PROSER2: variants seen among roughly 807,000 people sequenced by gnomAD.
PROSER2 encodes proline and serine rich 2.
Under a neutral mutation model 14.6 loss-of-function variants are expected in PROSER2, and 18 were observed. That is an observed-to-expected ratio of 1.23 (90% CI 0.85 to 1.83). The LOEUF is 1.83. Among genes scored for constraint, PROSER2 ranks in the 40% most tolerant of loss-of-function variants. PROSER2 has a pLI of 0.00. For synonymous variants in PROSER2, 367 were observed against 286.4 expected (o/e 1.28, Z -2.84); for missense variants, 823 against 629.8 (o/e 1.31, Z -3.28).
In PROSER2 at chr10:11,869,523, A is replaced by G. The variant is rs141674836; in HGVS notation, c.425A>G (p.Gln142Arg). Residue 142 changes from glutamine to arginine, a missense_variant, in exon 4 of 4, where the codon CAA (glutamine) becomes CGA (arginine). Gln to Arg is a conservative substitution (Grantham distance 43). Coordinates refer to ENST00000277570, the MANE Select transcript of PROSER2 (RefSeq NM_153256.4). This position sits in a 1 kb window ranked among gnomAD's most constrained non-coding sequence, Gnocchi z 4.4. The stretch of plus-strand genomic sequence containing the variant: ...CCTGCTGGGAAGGAGCACAGGAAAC[A>G]AGATGCTGAGACTCCTCCACCTCCA... ...PAPAGKEHRK[Q>R]DAETPPPPDP... 6 of 1,613,752 alleles carry G rather than the reference A, an allele frequency of 3.7e-6. No homozygotes were observed. Among genetic ancestry groups the G allele is most frequent in the Non-Finnish European group, 5.1e-6 (6 of 1,179,830 alleles).
intron 2 of PROSER2, among the ~76,000 whole-genome samples, chr10:11,860,528 T>C (rs1296390753): frequency 6.6e-6 from 1 of 151,280 alleles, no homozygotes; most frequent in East Asian, 2.0e-4. Flanking sequence ...AGGCAGAAAA[T>C]TGCTTGAACC....
At chr10:11,834,347 G>A (rs1470639590) in intron 1 of PROSER2, among the ~76,000 whole-genome samples, 2 of 152,006 alleles carry the variant, frequency 1.3e-5, no homozygotes, top group African/African-American at 4.8e-5. Flanking sequence ...GAAGGTGGAA[G>A]AGACAAGGCT....
At position 11,866,632 on chromosome 10, in the gene PROSER2, G is replaced by T; in HGVS notation, c.240G>T (p.Val80=). Residue 80 remains valine, a synonymous_variant, in exon 3 of 4, where the codon GTG becomes GTT. Coordinates refer to ENST00000277570, the MANE Select transcript of PROSER2 (RefSeq NM_153256.4). The surrounding 1 kb of genome is among the most constrained non-coding windows in gnomAD (Gnocchi z 6.0). ...DSLDEDFEEP[V]LCDGGVCCLC... is the part of the protein sequence containing the mutation. ...TAGACGAGGACTTTGAGGAGCCAGTGCTGTGCGATGGAGGAGTGTGCTGCC... is the reference window on the plus strand; with the variant it reads ...TAGACGAGGACTTTGAGGAGCCAGTTCTGTGCGATGGAGGAGTGTGCTGCC... 6.2e-7 allele frequency: 1 copy of T among 1,614,222 alleles called. No individual in the cohort carries two copies. Among genetic ancestry groups the T allele is most frequent in the Non-Finnish European group, 8.5e-7 (1 of 1,180,042 alleles).
At chr10:11,855,543 G>C (rs2096894567) in intron 2 of PROSER2, among the ~76,000 whole-genome samples, 1 of 151,488 alleles carries the variant, frequency 6.6e-6, no homozygotes. Flanking sequence ...GTACCCTAAA[G>C]TTTTAAGTGC....
At chr10:11,845,282 A>C (rs965447586) in intron 1 of PROSER2, among the ~76,000 whole-genome samples, 1 of 152,200 alleles carries the variant, frequency 6.6e-6, no homozygotes, top group Non-Finnish European at 1.5e-5. Context: ...CACCCCCACC[A>C]GCGGAACCTC....
At position 11,856,387 on chromosome 10, in the gene PROSER2, A is replaced by G. The variant is rs1834123157; in HGVS notation, c.138+4172A>G. 6.6e-6 allele frequency among the ~76,000 whole-genome samples: 1 copy of G among 152,178 alleles called. No individual in the cohort carries two copies. The highest frequency in any genetic ancestry group is 2.4e-5 in the African/African-American group (1 of 41,440). ...GCTCTCACTCTGAATGAGGTCCTGA[A>G]GTCGGGTCTGCCTTCACACATCCCG... On this transcript the variant is annotated intron_variant, in intron 2 of 3. Transcript: ENST00000277570. This position sits in a 1 kb window ranked among gnomAD's most constrained non-coding sequence, Gnocchi z 5.3.
chr10:11,840,468 A>G (rs1020352276), intron 1 of PROSER2, among the ~76,000 whole-genome samples: 6 of 152,080 alleles, frequency 3.9e-5, no homozygotes, highest in Non-Finnish European at 7.4e-5. Flanking sequence ...CAACCTTACA[A>G]TCTTGGGATT....
In PROSER2 at chr10:11,866,284, G is replaced by C. The variant is rs1359316390; in HGVS notation, c.139-247G>C. On this transcript the variant is annotated intron_variant, in intron 2 of 3. Coordinates refer to ENST00000277570, the MANE Select transcript of PROSER2 (RefSeq NM_153256.4). This position sits in a 1 kb window ranked among gnomAD's most constrained non-coding sequence, Gnocchi z 6.0. Reference sequence around the variant, plus strand: ...GGTGCTTTTTGTCATTGACTTGCTAGGAACCCCAAGGCGAGGGCCCGTTAT... The same window carrying C: ...GGTGCTTTTTGTCATTGACTTGCTACGAACCCCAAGGCGAGGGCCCGTTAT... 6.6e-6 allele frequency among the ~76,000 whole-genome samples: 1 copy of C among 152,126 alleles called. No individual in the cohort carries two copies. The highest frequency in any genetic ancestry group is 1.5e-5 in the Non-Finnish European group (1 of 68,000).
chr10:11,872,106 T>C lies in PROSER2; in HGVS notation c.*1700T>C, dbSNP rs1175171222. 1 of 152,194 alleles carries C rather than the reference T, an allele frequency of 6.6e-6. No homozygotes were observed. The highest frequency in any genetic ancestry group is 2.4e-5 in the African/African-American group (1 of 41,458). The allele number at this position is 152,194 out of a possible 1,614,324, so 9.4% of individuals were successfully genotyped here. ...AGGCAAGATGCCATACAGTGTTCAA[T>C]AATAGAAGGTCTTGATACAACCGAC... On this transcript the variant is annotated 3_prime_UTR_variant, in exon 4 of 4. Transcript: ENST00000277570.
intron 1 of PROSER2, among the ~76,000 whole-genome samples, chr10:11,835,958 A>C (rs1452373061): frequency 6.6e-6 from 1 of 152,074 alleles, no homozygotes; most frequent in Non-Finnish European, 1.5e-5. Flanking sequence ...GTGCTCTTGA[A>C]GGTCAAGGAA....
rs568468018 is a variant in PROSER2, at chr10:11,830,478, G to A, written c.-82+7008G>A. On this transcript the variant is annotated intron_variant, in intron 1 of 3. Transcript: ENST00000277570. The surrounding 1 kb of genome is among the most constrained non-coding windows in gnomAD (Gnocchi z 4.5). Reference sequence around the variant, plus strand: ...TGTGACGGTTACTGTGAACAGCGCCGCGGTAAAGATGCAAGTGCAGGTGTC... The same window carrying A: ...TGTGACGGTTACTGTGAACAGCGCCACGGTAAAGATGCAAGTGCAGGTGTC... 2.0e-5 allele frequency among the ~76,000 whole-genome samples: 3 copies of A among 152,264 alleles called. No homozygotes were observed. The highest frequency in any genetic ancestry group is 2.1e-4 in the South Asian group (1 of 4,818).
At chr10:11,835,106 TA>T (rs10556057) in intron 1 of PROSER2, among the ~76,000 whole-genome samples, 74,604 of 140,790 alleles carry the variant, frequency 0.53, 19,833 homozygotes, top group East Asian at 0.63. Flanking sequence ...GAATCTGTCT[TA>T]AAAAAAAAAA....
chr10:11,840,186 C>G (rs571847593), intron 1 of PROSER2, among the ~76,000 whole-genome samples: 96 of 151,638 alleles, frequency 6.3e-4, no homozygotes, highest in South Asian at 2.3e-3. Context: ...AGCCTGACCT[C>G]AGGTGATCCT....
At chr10:11,824,476 A>G (rs1253422495) in intron 1 of PROSER2, among the ~76,000 whole-genome samples, 3 of 152,244 alleles carry the variant, frequency 2.0e-5, no homozygotes, top group Non-Finnish European at 4.4e-5. Context: ...GTGCCCCAGC[A>G]TGCACTAAAA....
chr10:11,866,755 G>A lies in PROSER2; in HGVS notation c.363G>A (p.Glu121=). Reference sequence around the variant, plus strand: ...CAGCACCTGGCGCCGGGGAAGCCGAGGGCCTTCCAGAGGGGACCCAGGCAG... The same window carrying A: ...CAGCACCTGGCGCCGGGGAAGCCGAAGGCCTTCCAGAGGGGACCCAGGCAG... ...VQPAPGAGEA[E]GLPEGTQAAG... The change falls in exon 3 of 4, where the codon GAG becomes GAA. Residue 121 remains glutamate, a synonymous_variant. Coordinates refer to ENST00000277570, the MANE Select transcript of PROSER2 (RefSeq NM_153256.4). This position sits in a 1 kb window ranked among gnomAD's most constrained non-coding sequence, Gnocchi z 6.0. 1 of 1,612,706 alleles carries A rather than the reference G, an allele frequency of 6.2e-7. No individual in the cohort carries two copies. The highest frequency in any genetic ancestry group is 8.5e-7 in the Non-Finnish European group (1 of 1,179,934).
At chr10:11,846,072 T>C (rs56377333) in intron 1 of PROSER2, among the ~76,000 whole-genome samples, 20,747 of 152,142 alleles carry the variant, frequency 0.14, 1,482 homozygotes, top group Non-Finnish European at 0.15. Context: ...CTGCATCCTC[T>C]ACCTCCCGGT....
At chr10:11,843,071 GC>G (rs1456623197) in intron 1 of PROSER2, among the ~76,000 whole-genome samples, 1 of 149,712 alleles carries the variant, frequency 6.7e-6, no homozygotes, top group African/African-American at 2.4e-5. Flanking sequence ...CTCCCGAGTA[GC>G]TGGGATTACA....
intron 2 of PROSER2, among the ~76,000 whole-genome samples, chr10:11,855,216 G>A (rs867735375): frequency 3.4e-5 from 5 of 146,724 alleles, no homozygotes; most frequent in Middle Eastern, 3.5e-3. Flanking sequence ...GCTCACGCCT[G>A]TAATCCCAGC....
chr10:11,866,566 A>G lies in PROSER2; in HGVS notation c.174A>G (p.Glu58=). 3.7e-6 allele frequency: 6 copies of G among 1,614,232 alleles called. No individual in the cohort carries two copies. Among genetic ancestry groups the G allele is most frequent in the Non-Finnish European group, 5.1e-6 (6 of 1,180,032 alleles). Residue 58 remains glutamate (E), a synonymous_variant, in exon 3 of 4, where the codon GAA becomes GAG. Coordinates refer to ENST00000277570, the MANE Select transcript of PROSER2 (RefSeq NM_153256.4). The surrounding 1 kb of genome is among the most constrained non-coding windows in gnomAD (Gnocchi z 6.0). Reference sequence around the variant, plus strand: ...GCCTGAAGTACCTCACCCATGAGGAAAAGGATGTGCTCCTGTTTTTTGAAG... The same window carrying G: ...GCCTGAAGTACCTCACCCATGAGGAGAAGGATGTGCTCCTGTTTTTTGAAG... The part of the protein sequence containing the change: ...DESLKYLTHE[E]KDVLLFFEET...
Sources: gnomAD v4.1 joint callset for allele counts (sites outside exome capture counted in the v4.1 genomes callset) on GRCh38, gnomAD v4.1.1 for gene constraint, Gnocchi (gnomAD v3.1) non-coding constraint, MANE v1.5 for transcripts, NCBI Gene and HGNC (gene_info 2026-07-23, HGNC 2026-07-21) for gene names.